CACNA2D1: variants seen among roughly 807,000 people sequenced by gnomAD.
CACNA2D1 encodes calcium voltage-gated channel auxiliary subunit alpha2delta 1, also known as voltage-dependent calcium channel subunit alpha-2/delta-1.
Under a neutral mutation model 171.5 loss-of-function variants are expected in CACNA2D1, and 53 were observed. That is an observed-to-expected ratio of 0.31 (90% CI 0.25 to 0.39). The LOEUF (loss-of-function observed/expected upper bound fraction) is 0.39, where lower values mean the gene tolerates loss of function less well. CACNA2D1 is among the 10% of genes least tolerant of loss of function. The pLI is 1.00. For missense variants in CACNA2D1, 903 were observed against 1,299.8 expected, an observed-to-expected ratio of 0.69 and a Z score of 4.69; for synonymous variants, 442 against 443.1, an observed-to-expected ratio of 1.00 and a Z score of 0.03.
At chr7:82,084,362 A>T (rs576480878) in intron 7 of CACNA2D1, among the ~76,000 whole-genome samples, 1 of 152,286 alleles carries the variant, frequency 6.6e-6, no homozygotes, top group East Asian at 1.9e-4. Flanking sequence ...TACTGATTAA[A>T]CACATTAAAC....
At chr7:82,304,012 A>G (rs143880213) in intron 3 of CACNA2D1, among the ~76,000 whole-genome samples, 2,925 of 152,196 alleles carry the variant, frequency 0.019, 72 homozygotes, top group Middle Eastern at 0.065. Flanking sequence ...ACAATTCAAC[A>G]GTTAAAAAAT....
chr7:82,348,856 G>C (rs1218322691), intron 2 of CACNA2D1, among the ~76,000 whole-genome samples: 4 of 152,020 alleles, frequency 2.6e-5, no homozygotes, highest in Non-Finnish European at 5.9e-5. Context: ...ACATTGAAAC[G>C]AAAGTAGTGG....
At chr7:82,284,188 C>CA (rs200601228) in intron 3 of CACNA2D1, among the ~76,000 whole-genome samples, 2,199 of 88,264 alleles carry the variant, frequency 0.025, 50 homozygotes, top group African/African-American at 0.08. Flanking sequence ...GAGCCTTCTC[C>CA]AAAAAAAAAA....
chr7:82,001,650 C>T (rs1410521146), intron 18 of CACNA2D1: 1 of 1,162,176 alleles, frequency 8.6e-7, no homozygotes, highest in Non-Finnish European at 1.2e-6. Flanking sequence ...TACCTTCATT[C>T]ACAGTTACCT....
intron 5 of CACNA2D1, among the ~76,000 whole-genome samples, chr7:82,125,082 T>G (rs553671678): frequency 6.6e-6 from 1 of 152,332 alleles, no homozygotes; most frequent in East Asian, 1.9e-4. Flanking sequence ...ATGTTGGAAT[T>G]AATTTTAATG....
At chr7:81,989,939 T>C (rs1797361302) in intron 21 of CACNA2D1, among the ~76,000 whole-genome samples, 1 of 152,204 alleles carries the variant, frequency 6.6e-6, no homozygotes, top group Admixed American at 6.5e-5. Context: ...GTTGGGCTAC[T>C]AGCAGGAGAA....
At position 82,084,761 on chromosome 7, in the gene CACNA2D1, G is replaced by A. The variant is rs548109932; in HGVS notation, c.658+8C>T. ...AACTTGACAATGATTGAATCACTAA[G>A]CACCTACCTGGATAATATCGAGCTA... On this transcript the variant is annotated splice_region_variant and intron_variant, in intron 7 of 38. Transcript: ENST00000356860. 4.3e-6 allele frequency: 7 copies of A among 1,613,838 alleles called. No homozygotes were observed. The Admixed American group carries it at 5.0e-5, about 12-fold the overall frequency.
rs531512164 is a variant in CACNA2D1, at chr7:82,106,556, A to G, written c.526+10488T>C. Among the ~76,000 whole-genome samples the G allele has an allele frequency of 2.0e-5, 3 of 151,866 alleles. No homozygotes were observed. The South Asian group carries it at 6.2e-4, about 32-fold the overall frequency. ...TTTTAAACAGTAAATTTTTATTTGT[A>G]TTCCCTACTAAACAGTAAGAAAAAA... On this transcript the variant is annotated intron_variant, in intron 6 of 38. Transcript: ENST00000356860.
intron 36 of CACNA2D1, among the ~76,000 whole-genome samples, chr7:81,961,533 AT>A (rs1315180412): frequency 3.3e-5 from 5 of 151,512 alleles, no homozygotes; most frequent in South Asian, 2.1e-4. Flanking sequence ...AATATATTTA[AT>A]AACTTTATAT....
intron 10 of CACNA2D1, among the ~76,000 whole-genome samples, chr7:82,056,009 T>TAAAAAAAAAAAA: frequency 2.4e-5 from 1 of 42,194 alleles, no homozygotes; most frequent in Non-Finnish European, 4.0e-5. Context: ...ACTCAAAAGT[T>TAAAAAAAAAAAA]AAAAAAAAAA....
intron 1 of CACNA2D1, among the ~76,000 whole-genome samples, chr7:82,400,748 T>C (rs1826301227): frequency 6.6e-6 from 1 of 151,088 alleles, no homozygotes; most frequent in Non-Finnish European, 1.5e-5. Flanking sequence ...CAAAAGAAAC[T>C]ACCATCAGAG....
At chr7:82,089,034 T>C (rs181024866) in intron 6 of CACNA2D1, among the ~76,000 whole-genome samples, 5 of 152,178 alleles carry the variant, frequency 3.3e-5, no homozygotes, top group African/African-American at 1.2e-4. Flanking sequence ...AATGCTCTCC[T>C]GCTGCGTGGC....
intron 3 of CACNA2D1, among the ~76,000 whole-genome samples, chr7:82,324,365 A>C (rs1457546355): frequency 1.4e-5 from 2 of 144,582 alleles, no homozygotes; most frequent in Admixed American, 7.3e-5. Context: ...AAAAAAAAAA[A>C]AGAAGAAGGA....
At chr7:82,060,002 G>T (rs1354463461) in intron 10 of CACNA2D1, among the ~76,000 whole-genome samples, 3 of 23,130 alleles carry the variant, frequency 1.3e-4, no homozygotes, top group Non-Finnish European at 1.9e-4. Flanking sequence ...GTTGTGGGGT[G>T]GGGGGAGGGG....
At chr7:82,040,450 T>C (rs1278215865) in intron 10 of CACNA2D1, among the ~76,000 whole-genome samples, 1 of 41,236 alleles carries the variant, frequency 2.4e-5, no homozygotes, top group African/African-American at 1.2e-4. Context: ...AAATAATTTA[T>C]TCAAAAAAAA....
At chr7:82,089,786 T>G (rs1182640795) in intron 6 of CACNA2D1, among the ~76,000 whole-genome samples, 1 of 152,226 alleles carries the variant, frequency 6.6e-6, no homozygotes, top group Non-Finnish European at 1.5e-5. Context: ...GAGCTCTGAA[T>G]CCAGTGTTCT....
intron 1 of CACNA2D1, among the ~76,000 whole-genome samples, chr7:82,382,194 G>A (rs1360328649): frequency 6.6e-6 from 1 of 152,162 alleles, no homozygotes; most frequent in African/African-American, 2.4e-5. Context: ...ACTGCGTATA[G>A]GAATTCTTTT....
rs367832829 is a variant in CACNA2D1, at chr7:82,137,763, C to T, written c.355-1087G>A. Among the ~76,000 whole-genome samples, 4 of 148,138 alleles carry T rather than the reference C, an allele frequency of 2.7e-5. No homozygotes were observed. The East Asian group carries it at 6.0e-4, about 22-fold the overall frequency. ...GGCGTGGTGGCGGGTGCCTGTAGTC[C>T]CAGCTACTCCGGAGGCTGAGGCAGG... On this transcript the variant is annotated intron_variant, in intron 4 of 38. Transcript: ENST00000356860.
At chr7:82,042,010 T>C (rs1230398227) in intron 10 of CACNA2D1, among the ~76,000 whole-genome samples, 1 of 152,170 alleles carries the variant, frequency 6.6e-6, no homozygotes, top group East Asian at 1.9e-4. Flanking sequence ...TCTCATTAAG[T>C]GACTTTAACA....
Sources: allele counts gnomAD v4.1 joint callset (sites outside exome capture counted in the v4.1 genomes callset), GRCh38; gene constraint gnomAD v4.1.1; transcripts MANE v1.5; gene names NCBI Gene and HGNC (gene_info 2026-07-23, HGNC 2026-07-21).